Variants in LRRC20 observed in about 807,000 individuals in gnomAD.
LRRC20 encodes leucine rich repeat containing 20, also known as leucine-rich repeat-containing protein 20.
Under a neutral mutation model 14.4 loss-of-function variants are expected in LRRC20, and 11 were observed. The ratio of observed to expected loss-of-function variants is 0.77; its 90% CI spans 0.48 to 1.27. The LOEUF is 1.27. LRRC20 is among the 50% of genes most tolerant of loss of function. The pLI is 0.00. For missense variants in LRRC20, 219 were observed against 251.2 expected (o/e 0.87, Z 0.87); for synonymous variants, 121 against 107.3 (o/e 1.13, Z -0.79).
chr10:70,363,256 G>T (rs1843822224), intron 2 of LRRC20, among the ~76,000 whole-genome samples: 1 of 151,464 alleles, frequency 6.6e-6, no homozygotes, highest in African/African-American at 2.4e-5. Flanking sequence ...AGGGTGGAGG[G>T]GAGGGAAGGG....
chr10:70,371,078 A>T lies in LRRC20; in HGVS notation c.82+5374T>A, dbSNP rs183469241. The stretch of plus-strand genomic sequence containing the variant: ...AGAAAGAAATAAGATTATTCCCTTA[A>T]ATCAGATTTTTTTTTTCAGTAAGAA... On this transcript the variant is annotated intron_variant, in intron 2 of 4. Coordinates refer to ENST00000446961, the MANE Select transcript of LRRC20 (RefSeq NM_001278212.2). Among the ~76,000 whole-genome samples the T allele has an allele frequency of 2.0e-3, 299 of 150,728 alleles. 1 individual carries two copies. The highest frequency in any genetic ancestry group is 6.8e-3 in the African/African-American group (280 of 40,880).
chr10:70,306,265 A>G (rs1841422425), intron 4 of LRRC20, among the ~76,000 whole-genome samples: 1 of 152,106 alleles, frequency 6.6e-6, no homozygotes, highest in African/African-American at 2.4e-5. Flanking sequence ...GGTTCCAGGT[A>G]TTCACATTGA....
At chr10:70,327,581 A>G (rs1181968804) in intron 3 of LRRC20, among the ~76,000 whole-genome samples, 1 of 30,448 alleles carries the variant, frequency 3.3e-5, no homozygotes, top group Non-Finnish European at 6.6e-5. Flanking sequence ...ACTCTATCTA[A>G]AAAAAAAAAA....
intron 2 of LRRC20, among the ~76,000 whole-genome samples, chr10:70,372,465 G>A (rs1322331399): frequency 8.3e-6 from 1 of 120,708 alleles, no homozygotes; most frequent in African/African-American, 3.2e-5. Flanking sequence ...TTTTTGAGAT[G>A]GAGTCTCACT....
chr10:70,356,876 GC>G lies in LRRC20; in HGVS notation c.83-16175del, dbSNP rs145208335. 8.5e-3 allele frequency among the ~76,000 whole-genome samples: 1,277 copies of G among 150,534 alleles called. 14 individuals carry two copies. Among genetic ancestry groups the G allele is most frequent in the South Asian group, 0.057 (270 of 4,778 alleles). ...AAAACAAAACAAAACAAAAAACAAA[GC>G]AAAACAAAAAAAAACACCTGTATAT... On this transcript the variant is annotated intron_variant, in intron 2 of 4. Transcript: ENST00000446961.
rs1298604376 is a variant in LRRC20, at chr10:70,370,888, C to A, written c.82+5564G>T. On this transcript the variant is annotated intron_variant, in intron 2 of 4. Coordinates refer to ENST00000446961, the MANE Select transcript of LRRC20 (RefSeq NM_001278212.2). ...TTTTAAAAATTAGTCGGTGTAGTAG[C>A]AAGTGCCTGTAGTCTCAACTACTTG... Among the ~76,000 whole-genome samples the A allele has an allele frequency of 3.9e-5, 6 of 152,198 alleles. No individual in the cohort carries two copies. In the East Asian group the frequency reaches 5.8e-4, roughly 15 times the overall value.
chr10:70,309,679 CCA>C (rs1319448971), intron 4 of LRRC20, among the ~76,000 whole-genome samples: 1 of 152,262 alleles, frequency 6.6e-6, no homozygotes, highest in Non-Finnish European at 1.5e-5. Context: ...TGATCCTTCC[CCA>C]GTTTCTCCAG....
rs1222044462 is a variant in LRRC20 at position 70,324,016 on chromosome 10, C to T, written c.247G>A (p.Gly83Arg). 6.2e-7 allele frequency: 1 copy of T among 1,613,990 alleles called. No homozygotes were observed. Among genetic ancestry groups the T allele is most frequent in the Admixed American group, 1.7e-5 (1 of 60,024 alleles). Reference sequence around the variant, plus strand: ...CTGGGGAGGCGGTGTAGGAAGTTCCCCTCCAGGTGGAGCTCTGCCACGTGC... The same window carrying T: ...CTGGGGAGGCGGTGTAGGAAGTTCCTCTCCAGGTGGAGCTCTGCCACGTGC... ...FSQLRELHLE[G>R]NFLHRLPSEV... Residue 83 changes from glycine (G) to arginine (R), a missense_variant, in exon 4 of 5, where the codon GGG becomes AGG. By Grantham distance (125) the Gly-to-Arg change is moderately radical. Transcript: ENST00000446961.
rs370905183 is a variant in LRRC20, at chr10:70,319,169, T to C, written c.400+4694A>G. ...TGTGCTCTCTGGAGCAGTGGGTGTA[T>C]AGGGAAAAAAAAAAAAAAAAAGAAA... is the stretch of plus-strand genomic sequence containing the variant. On this transcript the variant is annotated intron_variant, in intron 4 of 4. Coordinates refer to ENST00000446961, the MANE Select transcript of LRRC20 (RefSeq NM_001278212.2). 1.2e-4 allele frequency among the ~76,000 whole-genome samples: 12 copies of C among 101,982 alleles called. No individual in the cohort carries two copies. In the South Asian group the frequency reaches 2.0e-3, roughly 17 times the overall value. The allele number at this position is 101,982 out of a possible 152,430, so 66.9% of individuals were successfully genotyped here.
chr10:70,334,838 G>C (rs1355777571), intron 3 of LRRC20, among the ~76,000 whole-genome samples: 1 of 152,190 alleles, frequency 6.6e-6, no homozygotes, highest in African/African-American at 2.4e-5. Context: ...CAGAGGTAAA[G>C]ATAAAGCCTG....
intron 2 of LRRC20, among the ~76,000 whole-genome samples, chr10:70,347,833 AC>A (rs1554841351): frequency 7.5e-5 from 11 of 146,550 alleles, no homozygotes; most frequent in African/African-American, 2.3e-4. Context: ...AAAAAAAAAA[AC>A]CCAAAAAACA....
intron 4 of LRRC20, among the ~76,000 whole-genome samples, chr10:70,320,577 CCTGCT>C (rs2136935870): frequency 6.6e-6 from 1 of 152,296 alleles, no homozygotes; most frequent in East Asian, 1.9e-4. Context: ...CTTTGGAATT[CCTGCT>C]CTACATAATG....
chr10:70,318,806 G>GT (rs1841971719), intron 4 of LRRC20, among the ~76,000 whole-genome samples: 1 of 151,544 alleles, frequency 6.6e-6, no homozygotes, highest in Non-Finnish European at 1.5e-5. Flanking sequence ...TTTTTTGTTT[G>GT]TTTTTGTTTT....
intron 2 of LRRC20, among the ~76,000 whole-genome samples, chr10:70,365,714 TA>T (rs1843960945): frequency 6.7e-6 from 1 of 148,532 alleles, no homozygotes; most frequent in Non-Finnish European, 1.5e-5. Context: ...AAAACAAAAC[TA>T]AAAAGAAAGA....
intron 2 of LRRC20, among the ~76,000 whole-genome samples, chr10:70,352,684 G>T (rs768171415): frequency 1.1e-4 from 16 of 152,134 alleles, no homozygotes; most frequent in Non-Finnish European, 2.1e-4. Flanking sequence ...GCAGTGGGGA[G>T]TATATTGGAA....
intron 2 of LRRC20, among the ~76,000 whole-genome samples, chr10:70,349,200 C>A (rs1365499291): frequency 6.6e-6 from 1 of 152,216 alleles, no homozygotes; most frequent in Non-Finnish European, 1.5e-5. Flanking sequence ...CCGCATCAAG[C>A]AGCATGGTCA....
chr10:70,368,196 C>T (rs1564645384), intron 2 of LRRC20, among the ~76,000 whole-genome samples: 3 of 123,196 alleles, frequency 2.4e-5, no homozygotes, highest in South Asian at 2.6e-4. Flanking sequence ...CTCACTCTGT[C>T]GCCCAGGCTG....
intron 2 of LRRC20, among the ~76,000 whole-genome samples, chr10:70,355,733 T>C (rs1452300989): frequency 1.3e-5 from 2 of 152,164 alleles, no homozygotes; most frequent in Admixed American, 6.5e-5. Flanking sequence ...CAGTGACCCT[T>C]GGGGTATGTT....
chr10:70,354,777 C>A (rs746538625), intron 2 of LRRC20, among the ~76,000 whole-genome samples: 2 of 152,204 alleles, frequency 1.3e-5, no homozygotes, highest in Non-Finnish European at 2.9e-5. Flanking sequence ...GACAGAGCAG[C>A]AGAGACAGAG....
Sources: allele counts gnomAD v4.1 joint callset (sites outside exome capture counted in the v4.1 genomes callset), GRCh38; gene constraint gnomAD v4.1.1; transcripts MANE v1.5; gene names NCBI Gene and HGNC (gene_info 2026-07-23, HGNC 2026-07-21).